FLRT1: variants seen among roughly 807,000 people sequenced by gnomAD.
The protein encoded by FLRT1 is leucine-rich repeat transmembrane protein FLRT1.
Under a neutral mutation model 30.9 loss-of-function variants are expected in FLRT1, and 14 were observed. The observed-to-expected ratio is 0.45, with a 90% CI of 0.30 to 0.71. FLRT1 has a LOEUF of 0.71. Among genes scored for constraint, FLRT1 ranks in the 30% least tolerant of loss-of-function variants. FLRT1 has a pLI of 0.08. For missense variants in FLRT1, 737 were observed against 949.2 expected (o/e 0.78, Z 2.94); for synonymous variants, 368 against 430.4 (o/e 0.85, Z 1.80).
At chr11:64,071,375 C>T (rs758770290) in intron 1 of FLRT1, among the ~76,000 whole-genome samples, 10 of 152,174 alleles carry the variant, frequency 6.6e-5, no homozygotes, top group Non-Finnish European at 1.3e-4. Context: ...AGCTCTCTAG[C>T]AATGTTTGTT....
intron 1 of FLRT1, among the ~76,000 whole-genome samples, chr11:64,081,114 C>T (rs953688620): frequency 2.6e-5 from 4 of 152,166 alleles, no homozygotes; most frequent in African/African-American, 9.7e-5. Flanking sequence ...CTCCACCTCC[C>T]AGGTTCAGAC....
chr11:64,118,284 T>C lies in FLRT1; in HGVS notation c.2017T>C (p.Tyr673His). The C allele has an allele frequency of 6.4e-7, 1 of 1,566,742 alleles. No homozygotes were observed. ...DGGIPDIDYS[Y>H]T ...CGGCATCCCCGACATAGACTACTCC[T>C]ACACATGATGCCCGCCCACCCGGGC... is the stretch of plus-strand genomic sequence containing the variant. The change falls in exon 3 of 3, where the codon TAC (tyrosine) becomes CAC (histidine). Residue 673 changes from tyrosine to histidine, a missense_variant. Tyr to His is a moderately conservative substitution (Grantham distance 83, BLOSUM62 2). Coordinates refer to ENST00000682287, the MANE Select transcript of FLRT1 (RefSeq NM_013280.5).
intron 1 of FLRT1, among the ~76,000 whole-genome samples, chr11:64,097,224 A>G (rs1235896254): frequency 1.3e-5 from 2 of 152,148 alleles, no homozygotes; most frequent in African/African-American, 2.4e-5. Context: ...AAGTACAGGG[A>G]GGGACTGCTG....
At chr11:64,059,037 T>G (rs1027047852) in intron 1 of FLRT1, among the ~76,000 whole-genome samples, 5 of 152,076 alleles carry the variant, frequency 3.3e-5, no homozygotes, top group Non-Finnish European at 7.4e-5. Context: ...TGATGCTCTT[T>G]GGATGGAGTG....
At chr11:64,099,861 A>G (rs537423004) in intron 1 of FLRT1, among the ~76,000 whole-genome samples, 16 of 151,892 alleles carry the variant, frequency 1.1e-4, no homozygotes, top group African/African-American at 3.6e-4. Context: ...GAATAGAGAA[A>G]TGGTGAGATG....
rs117277785 is a variant in FLRT1, at chr11:64,084,956, C to T, written c.-1037-18238C>T. Among the ~76,000 whole-genome samples, 130 of 152,338 alleles carry T rather than the reference C, an allele frequency of 8.5e-4. 1 individual carries two copies. In the East Asian group the frequency reaches 0.019, roughly 22 times the overall value. On this transcript the variant is annotated intron_variant, in intron 1 of 2. Transcript: ENST00000682287. ...GCTGCCCTCCCACAACAAGGGTTTCCGTCTATGGGGAGGCCACATGCAGAC... is the reference window on the plus strand; with the variant it reads ...GCTGCCCTCCCACAACAAGGGTTTCTGTCTATGGGGAGGCCACATGCAGAC...
chr11:64,072,875 A>G (rs1349165542), intron 1 of FLRT1, among the ~76,000 whole-genome samples: 1 of 152,142 alleles, frequency 6.6e-6, no homozygotes, highest in Admixed American at 6.5e-5. Context: ...ACATAAACCT[A>G]CGTGTGGAGC....
At chr11:64,050,147 G>A (rs1590839578) in intron 1 of FLRT1, among the ~76,000 whole-genome samples, 3 of 152,056 alleles carry the variant, frequency 2.0e-5, no homozygotes, top group African/African-American at 2.4e-5. Flanking sequence ...TGCAGGCTCC[G>A]TCTTCACCCT....
chr11:64,079,396 T>G (rs1590877766), intron 1 of FLRT1, among the ~76,000 whole-genome samples: 6 of 130,218 alleles, frequency 4.6e-5, no homozygotes, highest in East Asian at 2.8e-4. Flanking sequence ...GGGAAGGGGG[T>G]CGTTGGGGAT....
chr11:64,051,072 G>T (rs900481124), intron 1 of FLRT1, among the ~76,000 whole-genome samples: 3 of 152,324 alleles, frequency 2.0e-5, no homozygotes, highest in East Asian at 3.9e-4. Flanking sequence ...GTGCCCCACC[G>T]ATCTGGAGGA....
intron 1 of FLRT1, among the ~76,000 whole-genome samples, chr11:64,102,171 TG>T (rs1156821743): frequency 6.6e-6 from 1 of 152,128 alleles, no homozygotes; most frequent in Non-Finnish European, 1.5e-5. Flanking sequence ...CTCTCAGATG[TG>T]TAATAAAAGC....
At chr11:64,071,801 A>G (rs1016531524) in intron 1 of FLRT1, among the ~76,000 whole-genome samples, 1 of 152,090 alleles carries the variant, frequency 6.6e-6, no homozygotes, top group African/African-American at 2.4e-5. Flanking sequence ...CTAAAGGCCA[A>G]GGGGTAGGGA....
At chr11:64,044,503 C>T (rs1369799841) in intron 1 of FLRT1, among the ~76,000 whole-genome samples, 5 of 152,138 alleles carry the variant, frequency 3.3e-5, no homozygotes, top group African/African-American at 1.2e-4. Context: ...CCCGCCTTGG[C>T]CTCCTGATTA....
chr11:64,039,867 G>GTCCCC (rs1441219516), intron 1 of FLRT1, among the ~76,000 whole-genome samples: 3 of 152,164 alleles, frequency 2.0e-5, no homozygotes, highest in Non-Finnish European at 4.4e-5. Context: ...AGAGCTGGTG[G>GTCCCC]CTAGTGAGGG....
chr11:64,048,055 C>T (rs1943618367), intron 1 of FLRT1, among the ~76,000 whole-genome samples: 1 of 152,198 alleles, frequency 6.6e-6, no homozygotes, highest in Admixed American at 6.5e-5. Flanking sequence ...CCCTGCCCGC[C>T]TGAGGCCCAG....
intron 1 of FLRT1, among the ~76,000 whole-genome samples, chr11:64,045,489 G>A (rs551332609): frequency 7.9e-5 from 12 of 152,328 alleles, no homozygotes; most frequent in South Asian, 2.1e-4. Context: ...GGGCCCTGCC[G>A]TGGGGCAGCT....
At chr11:64,045,433 G>C (rs963267088) in intron 1 of FLRT1, among the ~76,000 whole-genome samples, 1 of 152,250 alleles carries the variant, frequency 6.6e-6, no homozygotes, top group Non-Finnish European at 1.5e-5. Flanking sequence ...GAGCGCAGGA[G>C]AGAGGAGGAA....
At chr11:64,092,777 G>A (rs1313477647) in intron 1 of FLRT1, among the ~76,000 whole-genome samples, 1 of 152,246 alleles carries the variant, frequency 6.6e-6, no homozygotes, top group African/African-American at 2.4e-5. Context: ...GTAAACGGGT[G>A]CATGAACACC....
chr11:64,116,140 T>A, intron 2 of FLRT1, 79 bp from the exon 3 acceptor site: 1 of 1,385,056 alleles, frequency 7.2e-7, no homozygotes, highest in Non-Finnish European at 9.6e-7. Context: ...GGCTGGCAGG[T>A]GGGAGGGAAT....
Sources: gnomAD v4.1 joint callset for allele counts (sites outside exome capture counted in the v4.1 genomes callset) on GRCh38, gnomAD v4.1.1 for gene constraint, MANE v1.5 for transcripts, NCBI Gene and HGNC (gene_info 2026-07-23, HGNC 2026-07-21) for gene names.